The following TNN variants were observed in gnomAD, a reference collection of about 807,000 sequenced individuals.
TNN encodes the protein tenascin N.
A neutral mutation model predicts 134.4 loss-of-function variants in TNN; 122 were observed. The observed-to-expected ratio is 0.91, with a 90% CI of 0.78 to 1.06. TNN has a LOEUF of 1.06. Ranked by LOEUF, TNN falls within the 50% of genes least tolerant of loss-of-function variation. The pLI, the probability that TNN is intolerant of heterozygous loss-of-function variation, is 0.00. For synonymous variants in TNN, 710 were observed against 670.3 expected (o/e 1.06, Z -0.91); for missense variants, 1,739 against 1,699.4 (o/e 1.02, Z -0.41).
intron 7 of TNN, among the ~76,000 whole-genome samples, chr1:175,095,574 G>GTTTGT (rs1368221077): frequency 4.6e-5 from 7 of 152,116 alleles, no homozygotes; most frequent in Admixed American, 1.3e-4. Flanking sequence ...TTGTTTGTTT[G>GTTTGT]TTTGTTTTGT....
chr1:175,087,486 G>T (rs1225362306), intron 6 of TNN, among the ~76,000 whole-genome samples: 1 of 152,168 alleles, frequency 6.6e-6, no homozygotes, highest in African/African-American at 2.4e-5. Flanking sequence ...TTTCCTTTTG[G>T]CAGAGTGAAT....
intron 12 of TNN, among the ~76,000 whole-genome samples, chr1:175,125,745 CTTTCTTTCTT>C (rs1558369425): frequency 5.9e-4 from 79 of 133,338 alleles, no homozygotes; most frequent in African/African-American, 1.3e-3. Context: ...TTCTTTCTTT[CTTTCTTTCTT>C]TCTCTCTCTC....
intron 1 of TNN, among the ~76,000 whole-genome samples, chr1:175,070,884 G>T (rs1394991906): frequency 2.0e-5 from 3 of 152,142 alleles, no homozygotes; most frequent in Non-Finnish European, 2.9e-5. Flanking sequence ...TACAGGGAAG[G>T]CCCCTGAGTC....
rs1160268455 is a variant in TNN at position 175,109,072 on chromosome 1, A to ATTTTTTTTTTTTTTTTTTTT, written c.2120-7859_2120-7840dup. ...GAATGTATTTCTTCTATCTAACTGTATTTTTTTTTTTTTTTTTTTTTTTTT... is the reference window on the plus strand; with the variant it reads ...GAATGTATTTCTTCTATCTAACTGTATTTTTTTTTTTTTTTTTTTTTTTTTTTTTTTTTTTTTTTTTTTTT... On this transcript the variant is annotated intron_variant, in intron 9 of 18. Transcript: ENST00000239462. Among the ~76,000 whole-genome samples the ATTTTTTTTTTTTTTTTTTTT allele has an allele frequency of 1.3e-4, 8 of 61,982 alleles. 2 individuals carry two copies. Among genetic ancestry groups the ATTTTTTTTTTTTTTTTTTTT allele is most frequent in the African/African-American group, 2.0e-4 (3 of 14,918 alleles). The allele number at this position is 61,982 out of a possible 152,430, so 40.7% of individuals were successfully genotyped here.
intron 12 of TNN, among the ~76,000 whole-genome samples, chr1:175,124,993 G>A (rs753440329): frequency 9.9e-5 from 15 of 152,202 alleles, no homozygotes; most frequent in Non-Finnish European, 1.9e-4. Context: ...CCATAACCAG[G>A]GAGTGGTGGG....
At chr1:175,111,408 A>T (rs991173984) in intron 9 of TNN, among the ~76,000 whole-genome samples, 2 of 143,314 alleles carry the variant, frequency 1.4e-5, no homozygotes, top group Non-Finnish European at 3.0e-5. Context: ...AATCACTTGA[A>T]CCCAGGAGAT....
At chr1:175,096,653 G>T (rs1674579144) in intron 7 of TNN, among the ~76,000 whole-genome samples, 1 of 152,176 alleles carries the variant, frequency 6.6e-6, no homozygotes, top group South Asian at 2.1e-4. Flanking sequence ...GGAGAAAGTG[G>T]TATTTCATGC....
In TNN at chr1:175,080,269, C is replaced by T. The variant is rs61742080; in HGVS notation, c.891C>T (p.Pro297=). Residue 297 remains proline (P), a synonymous_variant, in exon 4 of 19, where the codon CCC becomes CCT. Transcript: ENST00000239462. ...QVDHYLLSYY[P]LGKELSGKQI... ...ATCACTACCTCCTCAGCTACTACCCCCTGGGGAAGGAGCTCTCTGGGAAGC... is the reference window on the plus strand; with the variant it reads ...ATCACTACCTCCTCAGCTACTACCCTCTGGGGAAGGAGCTCTCTGGGAAGC... 30 of 1,614,064 alleles carry T rather than the reference C, an allele frequency of 1.9e-5. No individual in the cohort carries two copies. In the East Asian group the frequency reaches 4.7e-4, roughly 25 times the overall value.
At chr1:175,086,387 G>A (rs746696496) in intron 6 of TNN, among the ~76,000 whole-genome samples, 4 of 152,146 alleles carry the variant, frequency 2.6e-5, no homozygotes, top group East Asian at 1.9e-4. Context: ...GCATACATAC[G>A]AGACATCCTA....
In TNN at chr1:175,127,028, CT is replaced by C. The variant is rs1182108815; in HGVS notation, c.2989del (p.Ser997LeufsTer9). On this transcript the variant is annotated frameshift_variant, in exon 13 of 19. Transcript: ENST00000239462. LOFTEE classifies it high-confidence loss of function. ...SGGILTWTPP[S>X]AQIHGYILTY... is the part of the protein sequence containing the mutation. ...GTGGCATATTGACCTGGACGCCCCC[CT>C]CTGCTCAGATCCACGGCTACATTCT... is the stretch of plus-strand genomic sequence containing the variant. 1 of 1,614,062 alleles carries C rather than the reference CT, an allele frequency of 6.2e-7. No homozygotes were observed. The highest frequency in any genetic ancestry group is 8.5e-7 in the Non-Finnish European group (1 of 1,180,026).
intron 15 of TNN, among the ~76,000 whole-genome samples, chr1:175,133,582 C>T (rs936772079): frequency 1.3e-5 from 2 of 152,184 alleles, no homozygotes; most frequent in African/African-American, 2.4e-5. Context: ...CTTCTCTCTC[C>T]TTAATGGATT....
intron 9 of TNN, among the ~76,000 whole-genome samples, chr1:175,100,711 T>C (rs1320346020): frequency 1.4e-5 from 2 of 146,700 alleles, no homozygotes; most frequent in African/African-American, 5.1e-5. Context: ...TTTTTTTTTT[T>C]GGTGAATGTA....
intron 17 of TNN, among the ~76,000 whole-genome samples, chr1:175,140,319 A>G (rs1178913874): frequency 6.6e-6 from 1 of 152,214 alleles, no homozygotes; most frequent in Non-Finnish European, 1.5e-5. Flanking sequence ...AGAAGTCTAC[A>G]TAAGCTCCAT....
chr1:175,135,786 T>A (rs1675787905), intron 15 of TNN, 59 bp from the exon 16 acceptor site: 6 of 1,385,218 alleles, frequency 4.3e-6, no homozygotes, highest in Non-Finnish European at 6.2e-6. Flanking sequence ...TCTTCTCTTG[T>A]CTCCCAGCAC....
Position 175,067,888 on chromosome 1 carries a change from G to T in TNN, c.-83G>T. 2.0e-6 allele frequency: 1 copy of T among 499,720 alleles called. No individual in the cohort carries two copies. Among genetic ancestry groups the T allele is most frequent in the Non-Finnish European group, 4.0e-6 (1 of 250,970 alleles). 31.0% of individuals were successfully genotyped at this position (499,720 alleles called of 1,614,324 possible). A position where few individuals can be genotyped will look rare whatever the true frequency, so the allele number is the denominator to read the frequency against. ...CCAAGGTCTGCGGCAGGAGGAGACC[G>T]GCTCACAGGAGCAGCAGCATTGGAA... is the stretch of plus-strand genomic sequence containing the variant. On this transcript the variant is annotated 5_prime_UTR_variant, in exon 1 of 19. Transcript: ENST00000239462.
chr1:175,081,357 T>A (rs1204469558), intron 4 of TNN, among the ~76,000 whole-genome samples: 5 of 152,380 alleles, frequency 3.3e-5, no homozygotes, highest in Admixed American at 3.3e-4. Flanking sequence ...GTTGGTTGAA[T>A]GACTAACTCA....
chr1:175,071,765 G>C (rs1215528935), intron 1 of TNN, among the ~76,000 whole-genome samples: 1 of 152,198 alleles, frequency 6.6e-6, no homozygotes, highest in Non-Finnish European at 1.5e-5. Context: ...CTGTCACAAA[G>C]AATGATATCA....
chr1:175,132,663 C>A (rs1350667068), intron 15 of TNN, among the ~76,000 whole-genome samples: 1 of 152,220 alleles, frequency 6.6e-6, no homozygotes, highest in East Asian at 1.9e-4. Context: ...CCCTTCCATT[C>A]CTGTTTTACC....
At chr1:175,131,122 C>A (rs1474914333) in intron 15 of TNN, among the ~76,000 whole-genome samples, 1 of 152,126 alleles carries the variant, frequency 6.6e-6, no homozygotes, top group Non-Finnish European at 1.5e-5. Context: ...TTTCAAAATC[C>A]TTTTATGGTA....
Sources: allele counts gnomAD v4.1 joint callset (sites outside exome capture counted in the v4.1 genomes callset), GRCh38; gene constraint gnomAD v4.1.1; transcripts MANE v1.5; gene names NCBI Gene and HGNC (gene_info 2026-07-23, HGNC 2026-07-21).